TENM4: variants seen among roughly 807,000 people sequenced by gnomAD.
TENM4 encodes the protein teneurin transmembrane protein 4.
TENM4 carries 82 observed loss-of-function variants against 243.3 expected under a neutral mutation model. The ratio of observed to expected loss-of-function variants is 0.34; its 90% CI spans 0.28 to 0.40. TENM4 has a LOEUF of 0.40. Ranked by LOEUF, TENM4 falls within the 10% of genes least tolerant of loss-of-function variation. The pLI, the probability that TENM4 is intolerant of heterozygous loss-of-function variation, is 1.00. For synonymous variants in TENM4, 1,412 were observed against 1,456.3 expected (o/e 0.97, Z 0.69); for missense variants, 3,138 against 3,673.3 (o/e 0.85, Z 3.77).
chr11:79,161,157 A>G (rs1862738898), intron 3 of TENM4, among the ~76,000 whole-genome samples: 1 of 152,216 alleles, frequency 6.6e-6, no homozygotes. Flanking sequence ...TGCAAGAGAA[A>G]CAAGCTTCTT....
intron 6 of TENM4, among the ~76,000 whole-genome samples, chr11:78,935,337 T>C (rs1179915646): frequency 6.6e-6 from 1 of 152,178 alleles, no homozygotes; most frequent in Non-Finnish European, 1.5e-5. Context: ...TAAGAGTTTC[T>C]TGAACACTTG....
Position 78,701,711 on chromosome 11 carries a change from G to A in TENM4, c.4902C>T (p.Asp1634=), listed in dbSNP as rs1859108552. The A allele has an allele frequency of 1.2e-6, 2 of 1,614,016 alleles. No homozygotes were observed. The highest frequency in any genetic ancestry group is 8.5e-7 in the Non-Finnish European group (1 of 1,179,896). The change falls in exon 28 of 34, where the codon GAC becomes GAT. Residue 1634 remains aspartate (D), a synonymous_variant. Transcript: ENST00000278550. ...CCAGCCAGAGGGGCATCCCAGTAGAGTCTCGGCGGACATTTACCATGTTGC... is the reference window on the plus strand; with the variant it reads ...CCAGCCAGAGGGGCATCCCAGTAGAATCTCGGCGGACATTTACCATGTTGC... ...NNGNMVNVRR[D]STGMPLWLVV...
intron 2 of TENM4, among the ~76,000 whole-genome samples, chr11:79,235,180 G>A (rs1864441704): frequency 1.3e-5 from 2 of 152,134 alleles, no homozygotes; most frequent in Admixed American, 6.5e-5. Flanking sequence ...AGGCGTGGTG[G>A]TGTGTGCCTG....
At chr11:79,183,759 GA>G (rs1332210750) in intron 3 of TENM4, among the ~76,000 whole-genome samples, 1 of 151,972 alleles carries the variant, frequency 6.6e-6, no homozygotes, top group Non-Finnish European at 1.5e-5. Flanking sequence ...ATGAATGAAC[GA>G]ATGACTCAAA....
intron 26 of TENM4, among the ~76,000 whole-genome samples, chr11:78,712,046 A>G (rs925574834): frequency 2.0e-5 from 3 of 152,260 alleles, no homozygotes; most frequent in Non-Finnish European, 2.9e-5. Flanking sequence ...TGAAAACACG[A>G]TACACTAAAA....
intron 19 of TENM4, among the ~76,000 whole-genome samples, chr11:78,740,569 C>T (rs552809672): frequency 7.2e-5 from 11 of 152,254 alleles, no homozygotes; most frequent in South Asian, 6.2e-4. Flanking sequence ...TTTATTCCAC[C>T]GATTGTATTC....
intron 9 of TENM4, 107 bp from the exon 10 acceptor site, chr11:78,863,239 T>A (rs1858869840): frequency 1.6e-6 from 2 of 1,256,254 alleles, no homozygotes; most frequent in Non-Finnish European, 2.1e-6. Context: ...GGCATTCAGT[T>A]CAGTTCAACA....
intron 2 of TENM4, among the ~76,000 whole-genome samples, chr11:79,269,837 G>A (rs996463060): frequency 6.6e-6 from 1 of 152,202 alleles, no homozygotes; most frequent in African/African-American, 2.4e-5. Flanking sequence ...TAATGAAAAG[G>A]CAACTGTGGT....
At chr11:79,271,231 T>C (rs568706274) in intron 2 of TENM4, among the ~76,000 whole-genome samples, 2 of 152,302 alleles carry the variant, frequency 1.3e-5, no homozygotes, top group Non-Finnish European at 2.9e-5. Flanking sequence ...CAGCCAGCGT[T>C]CCTGAGCCGC....
chr11:78,965,160 G>A (rs1015954918), intron 6 of TENM4, among the ~76,000 whole-genome samples: 2 of 151,972 alleles, frequency 1.3e-5, no homozygotes, highest in African/African-American at 2.4e-5. Flanking sequence ...GAGCCACCAC[G>A]CCCGGCCCCT....
chr11:79,406,017 G>T (rs1858564128), intron 1 of TENM4, among the ~76,000 whole-genome samples: 1 of 152,124 alleles, frequency 6.6e-6, no homozygotes, highest in Non-Finnish European at 1.5e-5. Flanking sequence ...TGATCTCCAG[G>T]TTGGAGTGGG....
intron 6 of TENM4, among the ~76,000 whole-genome samples, chr11:78,981,056 G>A (rs954177908): frequency 2.0e-5 from 3 of 152,082 alleles, no homozygotes; most frequent in South Asian, 2.1e-4. Flanking sequence ...CCATGTATAC[G>A]GCTTTGCAGA....
intron 19 of TENM4, among the ~76,000 whole-genome samples, chr11:78,744,348 T>G (rs2135920927): frequency 6.6e-6 from 1 of 152,364 alleles, no homozygotes; most frequent in South Asian, 2.1e-4. Flanking sequence ...TATATACGTA[T>G]TCTTGGGAAA....
At chr11:79,271,590 T>C (rs533204655) in intron 2 of TENM4, among the ~76,000 whole-genome samples, 1 of 152,328 alleles carries the variant, frequency 6.6e-6, no homozygotes, top group African/African-American at 2.4e-5. Context: ...CCAGCCCTCC[T>C]GAGGGCCTTA....
At chr11:79,425,731 A>G (rs955556064) in intron 1 of TENM4, among the ~76,000 whole-genome samples, 2 of 152,204 alleles carry the variant, frequency 1.3e-5, no homozygotes, top group African/African-American at 4.8e-5. Flanking sequence ...CTTGGCTCCC[A>G]TCCCTCTGGT....
intron 2 of TENM4, among the ~76,000 whole-genome samples, chr11:79,294,488 A>T (rs1565287072): frequency 2.0e-5 from 3 of 152,200 alleles, no homozygotes; most frequent in Non-Finnish European, 2.9e-5. Context: ...AGGCTTGTGC[A>T]GGACACACCC....
rs145144345 is a variant in TENM4 at position 78,875,489 on chromosome 11, CCA to C, written c.1085-12359_1085-12358del. ...AAAACGCTAGGATTACAGGTGTAAG[CCA>C]CTGTGCCCAGCCTAGTTTCTTTCAT... On this transcript the variant is annotated intron_variant, in intron 9 of 33. Coordinates refer to ENST00000278550, the MANE Select transcript of TENM4 (RefSeq NM_001098816.3). 7.2e-5 allele frequency among the ~76,000 whole-genome samples: 11 copies of C among 152,302 alleles called. No individual in the cohort carries two copies. In the East Asian group the frequency reaches 1.9e-3, roughly 27 times the overall value.
At chr11:79,290,320 T>G (rs1027685714) in intron 2 of TENM4, among the ~76,000 whole-genome samples, 1 of 152,242 alleles carries the variant, frequency 6.6e-6, no homozygotes, top group Admixed American at 6.5e-5. Context: ...TTTATATGTA[T>G]GTAATATTTT....
intron 3 of TENM4, among the ~76,000 whole-genome samples, chr11:79,159,998 T>C (rs1267683619): frequency 6.6e-6 from 1 of 152,242 alleles, no homozygotes; most frequent in Non-Finnish European, 1.5e-5. Context: ...TACTTATTTA[T>C]TTCTTCATTT....
Sources: gnomAD v4.1 joint callset for allele counts (sites outside exome capture counted in the v4.1 genomes callset) on GRCh38, gnomAD v4.1.1 for gene constraint, MANE v1.5 for transcripts, NCBI Gene and HGNC (gene_info 2026-07-23, HGNC 2026-07-21) for gene names.